Variants in NFIA observed in about 807,000 individuals in gnomAD.
NFIA encodes the protein nuclear factor I A, also known as nuclear factor 1 A-type.
Under a neutral mutation model 62.8 loss-of-function variants are expected in NFIA, and 8 were observed. That is an observed-to-expected ratio of 0.13 (90% CI 0.07 to 0.23). The LOEUF (loss-of-function observed/expected upper bound fraction) is 0.23, where lower values mean the gene tolerates loss of function less well. NFIA is among the 10% of genes least tolerant of loss of function. The pLI is 1.00. For synonymous variants in NFIA, 235 were observed against 238.1 expected, an observed-to-expected ratio of 0.99 and a Z score of 0.12; for missense variants, 410 against 642.1, an observed-to-expected ratio of 0.64 and a Z score of 3.91.
At chr1:61,079,319 A>T (rs914666078), upstream of NFIA, among the ~76,000 whole-genome samples, 25 of 152,340 alleles carry the variant, frequency 1.6e-4, no homozygotes, top group African/African-American at 6.0e-4. Flanking sequence ...ATTAAAATCT[A>T]AATCATATTA....
chr1:61,436,959 C>G (rs745806838), intron 10 of NFIA, among the ~76,000 whole-genome samples: 22 of 152,182 alleles, frequency 1.4e-4, no homozygotes, highest in Non-Finnish European at 2.5e-4. Context: ...AGCAGGGACA[C>G]TGGGTTAGGA....
chr1:61,303,549 A>G (rs949600483), intron 3 of NFIA, among the ~76,000 whole-genome samples: 31 of 152,194 alleles, frequency 2.0e-4, no homozygotes, highest in Admixed American at 1.8e-3. Context: ...CGACACACAG[A>G]TTTCCTTGGG....
chr1:61,158,360 C>T (rs1648953173), intron 2 of NFIA, among the ~76,000 whole-genome samples: 2 of 152,104 alleles, frequency 1.3e-5, no homozygotes, highest in African/African-American at 4.8e-5. Flanking sequence ...ATGTCCTGCA[C>T]ATTAATTTTA....
At chr1:61,224,632 G>T (rs554839931) in intron 2 of NFIA, among the ~76,000 whole-genome samples, 1 of 152,174 alleles carries the variant, frequency 6.6e-6, no homozygotes, top group South Asian at 2.1e-4. Context: ...AATTAATAAC[G>T]CTCTAGTCTC....
chr1:61,120,529 C>G (rs556606603), intron 2 of NFIA, among the ~76,000 whole-genome samples: 1 of 152,102 alleles, frequency 6.6e-6, no homozygotes, highest in African/African-American at 2.4e-5. Context: ...CTGCCGTGAC[C>G]GTGACAGTTT....
At chr1:61,217,834 C>T (rs1250478008) in intron 2 of NFIA, among the ~76,000 whole-genome samples, 1 of 152,196 alleles carries the variant, frequency 6.6e-6, no homozygotes, top group African/African-American at 2.4e-5. Flanking sequence ...AGCTCTGCCA[C>T]TTAAGAATTC....
chr1:61,369,049 C>T (rs1663747627), intron 6 of NFIA, among the ~76,000 whole-genome samples: 1 of 152,192 alleles, frequency 6.6e-6, no homozygotes, highest in African/African-American at 2.4e-5. Context: ...CAGTCCTCTG[C>T]TGTGCCTGCT....
At chr1:61,081,256 T>G (rs1001832815), upstream of NFIA, among the ~76,000 whole-genome samples, 1 of 142,580 alleles carries the variant, frequency 7.0e-6, no homozygotes, top group Non-Finnish European at 1.5e-5. Flanking sequence ...AATATGAGGT[T>G]AAAAAAAAAA....
chr1:61,432,622 C>CAT lies in NFIA; in HGVS notation c.1512+6067_1512+6068insTA, dbSNP rs1553120944. Reference sequence around the variant, plus strand: ...ATATATATATATATACACACACACACACGTACACACATATATATACACATA... The same window carrying CAT: ...ATATATATATATATACACACACACACATACGTACACACATATATATACACATA... On this transcript the variant is annotated intron_variant, in intron 10 of 10. Transcript: ENST00000403491. Among the ~76,000 whole-genome samples, 7 of 43,892 alleles carry CAT rather than the reference C, an allele frequency of 1.6e-4. No homozygotes were observed. In the East Asian group the frequency reaches 8.4e-3, roughly 52 times the overall value. 28.8% of individuals were successfully genotyped at this position (43,892 alleles called of 152,430 possible). A position where few individuals can be genotyped will look rare whatever the true frequency, so the allele number is the denominator to read the frequency against.
At chr1:61,449,946 C>T (rs1361742361) in intron 10 of NFIA, among the ~76,000 whole-genome samples, 3 of 152,170 alleles carry the variant, frequency 2.0e-5, no homozygotes, top group African/African-American at 7.2e-5. Context: ...CTGAGGGTCC[C>T]AGGACAGGGA....
intron 7 of NFIA, among the ~76,000 whole-genome samples, chr1:61,396,642 T>C (rs758184573): frequency 6.6e-6 from 1 of 152,110 alleles, no homozygotes; most frequent in Non-Finnish European, 1.5e-5. Context: ...TGATAGAGAT[T>C]TCCACTGTTT....
intron 10 of NFIA, among the ~76,000 whole-genome samples, chr1:61,449,465 G>T (rs1667966965): frequency 6.6e-6 from 1 of 152,238 alleles, no homozygotes; most frequent in South Asian, 2.1e-4. Flanking sequence ...TGACAGAGGA[G>T]AATCCTGAGG....
intron 6 of NFIA, among the ~76,000 whole-genome samples, chr1:61,369,978 T>G (rs374260597): frequency 7.1e-4 from 107 of 149,730 alleles, no homozygotes; most frequent in African/African-American, 2.6e-3. Flanking sequence ...AGTTCTGTGG[T>G]TTTTGGCCAT....
chr1:61,385,418 C>T (rs1421339169), intron 7 of NFIA, among the ~76,000 whole-genome samples: 2 of 152,138 alleles, frequency 1.3e-5, no homozygotes, highest in African/African-American at 4.8e-5. Flanking sequence ...TTCCTTCCCA[C>T]TCACCTTCTG....
chr1:61,155,365 G>T (rs570102496), intron 2 of NFIA, among the ~76,000 whole-genome samples: 1 of 152,146 alleles, frequency 6.6e-6, no homozygotes, highest in Admixed American at 6.5e-5. Flanking sequence ...AGAAACAAAT[G>T]ATGTTTGACT....
intron 2 of NFIA, among the ~76,000 whole-genome samples, chr1:61,198,634 C>G (rs1438776553): frequency 6.6e-6 from 1 of 152,172 alleles, no homozygotes; most frequent in Non-Finnish European, 1.5e-5. Context: ...TCGTGGTCCT[C>G]TGGCAGGCAG....
intron 2 of NFIA, among the ~76,000 whole-genome samples, chr1:61,100,417 G>A (rs905503669): frequency 1.8e-4 from 27 of 152,072 alleles, no homozygotes; most frequent in African/African-American, 5.8e-4. Context: ...CTAATCTTAG[G>A]CACTGTGATA....
intron 4 of NFIA, among the ~76,000 whole-genome samples, chr1:61,345,686 G>A (rs144654895): frequency 6.8e-4 from 103 of 152,240 alleles, no homozygotes; most frequent in African/African-American, 2.3e-3. Flanking sequence ...CTGCACGTGC[G>A]AAGGACCTGG....
chr1:61,453,931 AAAGTCT>A (rs1373184416), intron 10 of NFIA, among the ~76,000 whole-genome samples: 2 of 152,310 alleles, frequency 1.3e-5, no homozygotes, highest in African/African-American at 4.8e-5. Context: ...ATAACATCTG[AAAGTCT>A]ACAGGATGCG....
Sources: gnomAD v4.1 joint callset for allele counts (sites outside exome capture counted in the v4.1 genomes callset) on GRCh38, gnomAD v4.1.1 for gene constraint, MANE v1.5 for transcripts, NCBI Gene and HGNC (gene_info 2026-07-23, HGNC 2026-07-21) for gene names.